The following KDSR variants were observed in gnomAD, a reference collection of about 807,000 sequenced individuals.
The protein encoded by KDSR is 3-dehydrosphinganine reductase.
A neutral mutation model predicts 41.3 loss-of-function variants in KDSR; 23 were observed. That is an observed-to-expected ratio of 0.56 (90% CI 0.40 to 0.79). The LOEUF is 0.79. Among genes scored for constraint, KDSR ranks in the 30% least tolerant of loss-of-function variants. KDSR has a pLI of 0.00. For synonymous variants in KDSR, 138 were observed against 151.7 expected (o/e 0.91, Z 0.66); for missense variants, 351 against 416.8 (o/e 0.84, Z 1.37).
chr18:63,352,677 T>C (rs996001280), intron 5 of KDSR, among the ~76,000 whole-genome samples: 1 of 152,154 alleles, frequency 6.6e-6, no homozygotes, highest in African/African-American at 2.4e-5. Context: ...ATATCTATGC[T>C]ATTTAAGTTT....
rs777579624 is a variant in KDSR at position 63,335,271 on chromosome 18, C to T, written c.865G>A (p.Glu289Lys). Reference sequence around the variant, plus strand: ...GCAGAGCTTACCTGCTGGAGCCCCTCAGTAATAGAAGTTACTGGAGCCATC... The same window carrying T: ...GCAGAGCTTACCTGCTGGAGCCCCTTAGTAATAGAAGTTACTGGAGCCATC... ...CGMAPVTSIT[E>K]GLQQVVTMGL... Residue 289 changes from glutamate to lysine, a missense_variant, in exon 9 of 10, where the codon GAG becomes AAG. Glu to Lys is a moderately conservative substitution (Grantham distance 56, BLOSUM62 1). Coordinates refer to ENST00000645214, the MANE Select transcript of KDSR (RefSeq NM_002035.4). 2.6e-5 allele frequency: 42 copies of T among 1,612,400 alleles called. No homozygotes were observed. The highest frequency in any genetic ancestry group is 3.5e-5 in the Non-Finnish European group (41 of 1,178,450).
chr18:63,337,016 T>A (rs1398006215), intron 8 of KDSR, among the ~76,000 whole-genome samples: 1 of 151,516 alleles, frequency 6.6e-6, no homozygotes, highest in Admixed American at 6.6e-5. Flanking sequence ...ACTGAACTTT[T>A]GTTTTGAAAA....
intron 8 of KDSR, 109 bp downstream of exon 8, chr18:63,338,691 C>A: frequency 1.3e-6 from 1 of 751,298 alleles, no homozygotes; most frequent in South Asian, 1.7e-5. Context: ...ATCTGACAGA[C>A]TAAAAAATTC....
intron 4 of KDSR, 35 bp from the exon 5 acceptor site, chr18:63,355,334 A>G: frequency 6.2e-7 from 1 of 1,606,712 alleles, no homozygotes; most frequent in Non-Finnish European, 8.5e-7. Context: ...ATTAAGAAAC[A>G]GAGAAGAAAA....
chr18:63,364,845 C>T lies in KDSR; in HGVS notation c.109-1977G>A, dbSNP rs531185913. On this transcript the variant is annotated intron_variant, in intron 1 of 9. Coordinates refer to ENST00000645214, the MANE Select transcript of KDSR (RefSeq NM_002035.4). ...TTGTAATGTCTTATTTGTCAAAAAA[C>T]GAAAAGGTTTCACAATACTTCATCA... Among the ~76,000 whole-genome samples, 440 of 152,298 alleles carry T rather than the reference C, an allele frequency of 2.9e-3. 1 individual carries two copies. Among genetic ancestry groups the T allele is most frequent in the Non-Finnish European group, 5.1e-3 (346 of 68,028 alleles).
At chr18:63,333,567 C>T (rs1568274781) in intron 9 of KDSR, among the ~76,000 whole-genome samples, 1 of 152,168 alleles carries the variant, frequency 6.6e-6, no homozygotes, top group Non-Finnish European at 1.5e-5. Flanking sequence ...GTGCTCCTCC[C>T]TCAGGAGCAG....
At chr18:63,354,269 C>T (rs1259158265) in intron 5 of KDSR, among the ~76,000 whole-genome samples, 1 of 152,090 alleles carries the variant, frequency 6.6e-6, no homozygotes, top group Non-Finnish European at 1.5e-5. Context: ...GAGCCGAGAT[C>T]GTGCCACTGT....
intron 6 of KDSR, among the ~76,000 whole-genome samples, chr18:63,349,054 A>G (rs577814554): frequency 6.6e-6 from 1 of 152,334 alleles, no homozygotes; most frequent in Non-Finnish European, 1.5e-5. Context: ...ATCAGGTGGC[A>G]TCACAACATC....
chr18:63,362,319 G>A (rs1273651522), intron 2 of KDSR, among the ~76,000 whole-genome samples: 1 of 152,224 alleles, frequency 6.6e-6, no homozygotes, highest in Admixed American at 6.5e-5. Flanking sequence ...AAGGAGGGAC[G>A]AGGTTCCTCT....
Position 63,342,975 on chromosome 18 carries a change from G to A in KDSR, c.693+1435C>T, listed in dbSNP as rs559391461. ...AGATCTGGTTGTTTAAAAGTGTGTG[G>A]CACCTCCCCTCTCTCTCTTCCTCCT... On this transcript the variant is annotated intron_variant, in intron 7 of 9. Transcript: ENST00000645214. 2.5e-4 allele frequency among the ~76,000 whole-genome samples: 38 copies of A among 152,174 alleles called. No homozygotes were observed. In the South Asian group the frequency reaches 2.7e-3, roughly 11 times the overall value.
At chr18:63,366,740 G>A (rs1300301298) in intron 1 of KDSR, 9 of 361,236 alleles carry the variant, frequency 2.5e-5, no homozygotes, top group African/African-American at 1.7e-4. Context: ...AGAACCCCTG[G>A]GGCCCCGGGA....
intron 6 of KDSR, among the ~76,000 whole-genome samples, chr18:63,348,508 C>A (rs534786120): frequency 6.6e-6 from 1 of 151,964 alleles, no homozygotes; most frequent in African/African-American, 2.4e-5. Context: ...TGACTGCGTT[C>A]GTTTTCCCCA....
intron 9 of KDSR, 99 bp from the exon 10 acceptor site, chr18:63,332,000 G>T: frequency 8.0e-7 from 1 of 1,253,656 alleles, no homozygotes; most frequent in Non-Finnish European, 1.1e-6. Flanking sequence ...AAATCTTCTA[G>T]TCTGCTCTAA....
intron 6 of KDSR, chr18:63,346,429 A>G (rs1356543629): frequency 6.6e-6 from 1 of 152,318 alleles, no homozygotes; most frequent in Non-Finnish European, 1.5e-5. Flanking sequence ...GCCCACATAA[A>G]GACTGACATC....
intron 5 of KDSR, among the ~76,000 whole-genome samples, chr18:63,352,039 C>T (rs1219829873): frequency 6.6e-6 from 1 of 152,198 alleles, no homozygotes; most frequent in Non-Finnish European, 1.5e-5. Context: ...CTGCCTTGAC[C>T]TCCCAAAGTG....
Position 63,341,443 on chromosome 18 carries a change from C to G in KDSR, c.694-2560G>C, listed in dbSNP as rs200437849. Among the ~76,000 whole-genome samples the G allele has an allele frequency of 2.0e-5, 3 of 147,232 alleles. No individual in the cohort carries two copies. In the East Asian group the frequency reaches 6.0e-4, roughly 30 times the overall value. On this transcript the variant is annotated intron_variant, in intron 7 of 9. Transcript: ENST00000645214. ...GTTTAAGGATAAAGCGAATAAAAAC[C>G]TAGAAGGGAGAACAAAAGGCCCAAG...
chr18:63,332,277 A>G (rs980581571), intron 9 of KDSR, among the ~76,000 whole-genome samples: 1 of 152,164 alleles, frequency 6.6e-6, no homozygotes, highest in South Asian at 2.1e-4. Context: ...GCGAGACCCT[A>G]TACTAGGTGC....
At chr18:63,333,994 A>T (rs2144346846) in intron 9 of KDSR, among the ~76,000 whole-genome samples, 1 of 152,272 alleles carries the variant, frequency 6.6e-6, no homozygotes, top group South Asian at 2.1e-4. Context: ...AAATTAAAAC[A>T]TAAAAGAATT....
intron 5 of KDSR, among the ~76,000 whole-genome samples, chr18:63,354,239 C>T (rs1004064846): frequency 2.6e-5 from 4 of 152,166 alleles, no homozygotes; most frequent in South Asian, 2.1e-4. Context: ...CGCTTGAGCC[C>T]GGGAGGCAGA....
Sources: allele counts gnomAD v4.1 joint callset (sites outside exome capture counted in the v4.1 genomes callset), GRCh38; gene constraint gnomAD v4.1.1; transcripts MANE v1.5; gene names NCBI Gene and HGNC (gene_info 2026-07-23, HGNC 2026-07-21).